GAS2: variants seen among roughly 807,000 people sequenced by gnomAD.
GAS2 encodes the protein growth arrest-specific protein 2.
A neutral mutation model predicts 37.5 loss-of-function variants in GAS2; 20 were observed. The ratio of observed to expected loss-of-function variants is 0.53; its 90% CI spans 0.37 to 0.77. The LOEUF (loss-of-function observed/expected upper bound fraction) is 0.77, where lower values mean the gene tolerates loss of function less well. Ranked by LOEUF, GAS2 falls within the 30% of genes least tolerant of loss-of-function variation. The probability of loss-of-function intolerance (pLI) is 0.00; values close to 1 mark genes in which losing one functional copy is unlikely to be tolerated. For missense variants in GAS2, 336 were observed against 373.4 expected (o/e 0.90, Z 0.82); for synonymous variants, 144 against 132.2 (o/e 1.09, Z -0.61).
At chr11:22,682,609 G>A (rs1364044667) in intron 2 of GAS2, among the ~76,000 whole-genome samples, 1 of 151,894 alleles carries the variant, frequency 6.6e-6, no homozygotes, top group African/African-American at 2.4e-5. Context: ...GCCTGGCGTG[G>A]TGCCTTATGC....
chr11:22,651,868 C>T (rs1448272281), intron 1 of GAS2, among the ~76,000 whole-genome samples: 3 of 152,144 alleles, frequency 2.0e-5, no homozygotes, highest in Non-Finnish European at 4.4e-5. Flanking sequence ...GTTTGAATTT[C>T]CTCCCACAGC....
chr11:22,808,401 A>T (rs1412177839), intron 7 of GAS2, among the ~76,000 whole-genome samples: 1 of 152,218 alleles, frequency 6.6e-6, no homozygotes, highest in Non-Finnish European at 1.5e-5. Context: ...TCTGCAGTAG[A>T]AAGGATGTGG....
chr11:22,747,767 A>G (rs1437817528), intron 5 of GAS2, among the ~76,000 whole-genome samples: 3 of 152,122 alleles, frequency 2.0e-5, no homozygotes, highest in African/African-American at 7.2e-5. Flanking sequence ...AACTAAGTAA[A>G]GCATGCTCAG....
At chr11:22,709,758 A>G (rs1457163201) in intron 3 of GAS2, among the ~76,000 whole-genome samples, 1 of 152,198 alleles carries the variant, frequency 6.6e-6, no homozygotes, top group African/African-American at 2.4e-5. Context: ...CTTGGAACCA[A>G]TCCAAATGTC....
At chr11:22,692,424 A>G (rs1850290940) in intron 3 of GAS2, among the ~76,000 whole-genome samples, 1 of 152,212 alleles carries the variant, frequency 6.6e-6, no homozygotes, top group Non-Finnish European at 1.5e-5. Context: ...GCTTAGTTTT[A>G]TACATTTTAT....
At chr11:22,643,644 T>C (rs1000077385) in intron 1 of GAS2, among the ~76,000 whole-genome samples, 2 of 152,110 alleles carry the variant, frequency 1.3e-5, no homozygotes, top group African/African-American at 4.8e-5. Context: ...AAATTTATTT[T>C]TAACAGTTCA....
chr11:22,633,678 A>G (rs1351142230), intron 1 of GAS2, among the ~76,000 whole-genome samples: 1 of 152,122 alleles, frequency 6.6e-6, no homozygotes, highest in African/African-American at 2.4e-5. Flanking sequence ...AGTGAAATGC[A>G]CTAAGGTCTT....
At chr11:22,792,218 A>G (rs1856200557) in intron 7 of GAS2, among the ~76,000 whole-genome samples, 2 of 152,226 alleles carry the variant, frequency 1.3e-5, no homozygotes, top group African/African-American at 4.8e-5. Flanking sequence ...TAGTTCTAGT[A>G]TGCCAGCTGG....
intron 1 of GAS2, among the ~76,000 whole-genome samples, chr11:22,636,384 G>T (rs533400528): frequency 6.6e-6 from 1 of 152,108 alleles, no homozygotes; most frequent in African/African-American, 2.4e-5. Context: ...ATTAAATGGG[G>T]TAACAAATAT....
intron 7 of GAS2, among the ~76,000 whole-genome samples, chr11:22,790,570 T>G (rs1804154296): frequency 6.7e-6 from 1 of 149,798 alleles, no homozygotes; most frequent in Admixed American, 6.8e-5. Flanking sequence ...GAAAGTATCC[T>G]CAATGTTTTC....
intron 1 of GAS2, among the ~76,000 whole-genome samples, chr11:22,640,120 G>A (rs1279913129): frequency 6.6e-6 from 1 of 152,174 alleles, no homozygotes; most frequent in African/African-American, 2.4e-5. Context: ...GAAGGTAGTG[G>A]AGGAGGAATT....
In GAS2 at chr11:22,811,923, T is replaced by C; in HGVS notation, c.849T>C (p.Pro283=). 1 of 1,614,132 alleles carries C rather than the reference T, an allele frequency of 6.2e-7. No homozygotes were observed. The highest frequency in any genetic ancestry group is 1.1e-5 in the South Asian group (1 of 91,088). Residue 283 remains proline (P), a synonymous_variant, in exon 8 of 8, where the codon CCT becomes CCC. Transcript: ENST00000454584. ...CCCGTGTGGATGGCAAAACATCCCCTATCCAAAGCAAATCTCCAACTCTAA... is the reference window on the plus strand; with the variant it reads ...CCCGTGTGGATGGCAAAACATCCCCCATCCAAAGCAAATCTCCAACTCTAA... ...QISRVDGKTS[P]IQSKSPTLKD...
At chr11:22,744,876 T>A (rs939214707) in intron 5 of GAS2, among the ~76,000 whole-genome samples, 1 of 151,842 alleles carries the variant, frequency 6.6e-6, no homozygotes, top group Non-Finnish European at 1.5e-5. Flanking sequence ...ATTATCTCCC[T>A]ACAAAAAAGT....
chr11:22,646,902 CTTCT>C (rs748769935), intron 1 of GAS2, among the ~76,000 whole-genome samples: 2,702 of 143,714 alleles, frequency 0.019, 35 homozygotes, highest in Non-Finnish European at 0.027. Context: ...TCTTTCTTTC[CTTCT>C]TTCTTTCTTT....
chr11:22,647,514 G>C (rs1002029309), intron 1 of GAS2, among the ~76,000 whole-genome samples: 1 of 152,026 alleles, frequency 6.6e-6, no homozygotes, highest in Admixed American at 6.6e-5. Context: ...TTCCACAATG[G>C]TTGAACTAGT....
At chr11:22,646,494 G>A (rs917489667) in intron 1 of GAS2, among the ~76,000 whole-genome samples, 1 of 151,998 alleles carries the variant, frequency 6.6e-6, no homozygotes, top group Non-Finnish European at 1.5e-5. Context: ...ATGTGTTTTC[G>A]AATTTTGTAA....
At chr11:22,783,855 C>G (rs1284904242) in intron 7 of GAS2, among the ~76,000 whole-genome samples, 1 of 152,122 alleles carries the variant, frequency 6.6e-6, no homozygotes, top group African/African-American at 2.4e-5. Flanking sequence ...TTTCGTTCTT[C>G]TGTGTATGCT....
At chr11:22,805,390 T>C (rs1026935437) in intron 7 of GAS2, among the ~76,000 whole-genome samples, 2 of 152,100 alleles carry the variant, frequency 1.3e-5, no homozygotes, top group Admixed American at 6.6e-5. Context: ...CATCCACTCT[T>C]TTTGCATTTT....
chr11:22,760,679 CTG>C (rs1162792948), intron 7 of GAS2, among the ~76,000 whole-genome samples: 2 of 151,972 alleles, frequency 1.3e-5, no homozygotes, highest in Non-Finnish European at 2.9e-5. Flanking sequence ...TAAAATAGCT[CTG>C]TGTAGAAATG....
Sources: gnomAD v4.1 joint callset for allele counts (sites outside exome capture counted in the v4.1 genomes callset) on GRCh38, gnomAD v4.1.1 for gene constraint, MANE v1.5 for transcripts, NCBI Gene and HGNC (gene_info 2026-07-23, HGNC 2026-07-21) for gene names.